The following CORO2B variants were observed in gnomAD, a reference collection of about 807,000 sequenced individuals.
The protein encoded by CORO2B is coronin-2B.
A neutral mutation model predicts 58.8 loss-of-function variants in CORO2B; 26 were observed. That is an observed-to-expected ratio of 0.44 (90% CI 0.32 to 0.61). The LOEUF is 0.61. Ranked by LOEUF, CORO2B falls within the 20% of genes least tolerant of loss-of-function variation. The pLI, the probability that CORO2B is intolerant of heterozygous loss-of-function variation, is 0.04. For synonymous variants in CORO2B, 242 were observed against 253.8 expected (o/e 0.95, Z 0.44); for missense variants, 460 against 645.1 (o/e 0.71, Z 3.11).
At chr15:68,618,242 CT>C (rs542444298) in intron 1 of CORO2B, among the ~76,000 whole-genome samples, 1 of 152,090 alleles carries the variant, frequency 6.6e-6, no homozygotes, top group South Asian at 2.1e-4. Flanking sequence ...TTTTTAAATA[CT>C]GGTAGCAGCC....
chr15:68,533,837 G>C, the CORO2B span, among the ~76,000 whole-genome samples: 1 of 152,130 alleles, frequency 6.6e-6, no homozygotes, highest in Non-Finnish European at 1.5e-5. Flanking sequence ...CCCAGAGAAG[G>C]TAATCAAAGG....
chr15:68,699,321 G>A (rs7177886), intron 3 of CORO2B, among the ~76,000 whole-genome samples: 4,835 of 152,248 alleles, frequency 0.032, 247 homozygotes, highest in African/African-American at 0.11. Flanking sequence ...CGAGTGTGGT[G>A]CATGGGAGAC....
intron 1 of CORO2B, among the ~76,000 whole-genome samples, chr15:68,581,726 T>C (rs1899430772): frequency 6.6e-6 from 1 of 152,126 alleles, no homozygotes. Flanking sequence ...AAGACAGATA[T>C]GAAGGAGAAC....
the CORO2B span, among the ~76,000 whole-genome samples, chr15:68,563,072 C>G: frequency 6.6e-6 from 1 of 151,596 alleles, no homozygotes; most frequent in Non-Finnish European, 1.5e-5. Context: ...AAATATAAAG[C>G]TATAAATTCT....
chr15:68,590,454 A>G (rs993718261), intron 1 of CORO2B, among the ~76,000 whole-genome samples: 1 of 151,850 alleles, frequency 6.6e-6, no homozygotes, highest in African/African-American at 2.4e-5. Context: ...CTCCGAGAGG[A>G]TGGCCTGCCC....
chr15:68,687,770 T>A (rs151294876), intron 2 of CORO2B, among the ~76,000 whole-genome samples: 47 of 152,280 alleles, frequency 3.1e-4, no homozygotes, highest in Non-Finnish European at 6.2e-4. Flanking sequence ...TGCTATGACA[T>A]CCCATGGCAG....
intron 1 of CORO2B, among the ~76,000 whole-genome samples, chr15:68,605,439 G>A (rs1900086547): frequency 1.3e-5 from 2 of 152,194 alleles, no homozygotes; most frequent in Admixed American, 1.3e-4. Context: ...ACAAAATAAA[G>A]GCCTAATGGT....
At chr15:68,566,525 G>A in the CORO2B span, among the ~76,000 whole-genome samples, 1 of 152,042 alleles carries the variant, frequency 6.6e-6, no homozygotes, top group Non-Finnish European at 1.5e-5. Context: ...CTCCAGCCTC[G>A]GGACATGCCT....
chr15:68,712,455 A>G (rs1384651671), intron 5 of CORO2B, among the ~76,000 whole-genome samples: 1 of 152,214 alleles, frequency 6.6e-6, no homozygotes, highest in Non-Finnish European at 1.5e-5. Context: ...TAACACCCAA[A>G]GGAAATGCTC....
chr15:68,579,463 G>GGGAGGATGCCGCTCTGGCAGCCCCGGC, intron 1 of CORO2B, among the ~76,000 whole-genome samples, 186 bp downstream of exon 1: 1 of 152,062 alleles, frequency 6.6e-6, no homozygotes, highest in African/African-American at 2.4e-5. Flanking sequence ...GGAGGCCAGG[G>GGGAGGATGCCGCTCTGGCAGCCCCGGC]GGAGGATGCC....
the CORO2B span, among the ~76,000 whole-genome samples, chr15:68,543,889 G>A: frequency 4.6e-5 from 7 of 152,070 alleles, no homozygotes; most frequent in South Asian, 2.1e-4. Context: ...AGCCTTTCAC[G>A]CTGCCCAGGT....
At position 68,639,276 on chromosome 15, in the gene CORO2B, G is replaced by A. The variant is rs148208069; in HGVS notation, c.16-5884G>A. Among the ~76,000 whole-genome samples, 35 of 152,298 alleles carry A rather than the reference G, an allele frequency of 2.3e-4. No homozygotes were observed. The East Asian group carries it at 3.7e-3, about 16-fold the overall frequency. On this transcript the variant is annotated intron_variant, in intron 1 of 11. Coordinates refer to ENST00000261861, the MANE Select transcript of CORO2B (RefSeq NM_006091.5). The stretch of plus-strand genomic sequence containing the variant: ...TCAGCTATAAGGGAGCCCTGAACCC[G>A]GCATGGAGTGGGGTGGGGCTGTGCA...
rs1202994578 is a variant in CORO2B at position 68,726,492 on chromosome 15, C to T, written c.*518C>T. On this transcript the variant is annotated 3_prime_UTR_variant, in exon 12 of 12. Transcript: ENST00000261861. ...CCTCAGCAGCCCCGGAAGCCTGCCTCACCCGACGAGGACAGCGAGCGGCCC... is the reference window on the plus strand; with the variant it reads ...CCTCAGCAGCCCCGGAAGCCTGCCTTACCCGACGAGGACAGCGAGCGGCCC... 1 of 166,964 alleles carries T rather than the reference C, an allele frequency of 6.0e-6. No individual in the cohort carries two copies. The highest frequency in any genetic ancestry group is 1.3e-5 in the Non-Finnish European group (1 of 77,938). 10.3% of individuals were successfully genotyped at this position (166,964 alleles called of 1,614,324 possible).
chr15:68,614,717 C>T (rs995931975), intron 1 of CORO2B, among the ~76,000 whole-genome samples: 6 of 152,168 alleles, frequency 3.9e-5, no homozygotes, highest in African/African-American at 7.2e-5. Context: ...GCTTCCTTTC[C>T]GTTCCTGCCT....
chr15:68,628,921 A>T (rs1900753909), intron 1 of CORO2B, among the ~76,000 whole-genome samples: 1 of 152,212 alleles, frequency 6.6e-6, no homozygotes, highest in African/African-American at 2.4e-5. Flanking sequence ...AAAGGGCAGG[A>T]TGAGAATGTG....
the CORO2B span, among the ~76,000 whole-genome samples, chr15:68,520,995 G>A: frequency 6.6e-6 from 1 of 151,984 alleles, no homozygotes; most frequent in Admixed American, 6.6e-5. Context: ...GTTGAAGTGA[G>A]CCAAGATCAT....
At chr15:68,545,612 C>CGGGGGGG in the CORO2B span, among the ~76,000 whole-genome samples, 24 of 53,292 alleles carry the variant, frequency 4.5e-4, no homozygotes, top group East Asian at 2.6e-3. Context: ...ATGCGGGGGG[C>CGGGGGGG]GGGGGGGGTA....
At position 68,725,916 on chromosome 15, in the gene CORO2B, G is replaced by T. The variant is rs761554395; in HGVS notation, c.1385G>T (p.Arg462Leu). Residue 462 changes from arginine to leucine, a missense_variant, in exon 12 of 12, where the codon CGC becomes CTC. Arg to Leu is a moderately radical substitution (Grantham distance 102). Transcript: ENST00000261861. ...GAGGAGCTGGCCCAGAAGGACATCC[G>T]CATTCGGCAGCTCCAGCTGGAACTG... is the stretch of plus-strand genomic sequence containing the variant. ...LKEELAQKDI[R>L]IRQLQLELKN... The T allele has an allele frequency of 6.2e-7, 1 of 1,613,978 alleles. No individual in the cohort carries two copies. Among genetic ancestry groups the T allele is most frequent in the Non-Finnish European group, 8.5e-7 (1 of 1,180,016 alleles).
At chr15:68,718,907 T>C (rs966832229) in intron 9 of CORO2B, 97 bp downstream of exon 9, 1 of 1,132,402 alleles carries the variant, frequency 8.8e-7, no homozygotes, top group Admixed American at 1.9e-5. Context: ...AGGTGAGAGA[T>C]GTGCTGTGAA....
Sources: gnomAD v4.1 joint callset for allele counts (sites outside exome capture counted in the v4.1 genomes callset) on GRCh38, gnomAD v4.1.1 for gene constraint, MANE v1.5 for transcripts, NCBI Gene and HGNC (gene_info 2026-07-23, HGNC 2026-07-21) for gene names.